CRACDL: variants seen among roughly 807,000 people sequenced by gnomAD.
CRACDL encodes the protein CRACD like.
In CRACDL, 26 loss-of-function variants were observed where a neutral mutation model predicts 70.6. That is an observed-to-expected ratio of 0.37 (90% CI 0.27 to 0.51). CRACDL has a LOEUF of 0.51. CRACDL is among the 20% of genes least tolerant of loss of function. The pLI, the probability that CRACDL is intolerant of heterozygous loss-of-function variation, is 0.94. For synonymous variants in CRACDL, 618 were observed against 615.2 expected, an observed-to-expected ratio of 1.00 and a Z score of -0.07; for missense variants, 1,283 against 1,376.9, an observed-to-expected ratio of 0.93 and a Z score of 1.08.
intron 1 of CRACDL, among the ~76,000 whole-genome samples, chr2:98,908,960 C>T (rs942435232): frequency 2.2e-4 from 33 of 152,220 alleles, no homozygotes; most frequent in African/African-American, 7.5e-4. Flanking sequence ...CAGAGGTCTA[C>T]ACACGGAAAA....
intron 1 of CRACDL, among the ~76,000 whole-genome samples, chr2:98,887,042 T>C (rs1425545780): frequency 6.6e-6 from 1 of 152,038 alleles, no homozygotes; most frequent in African/African-American, 2.4e-5. Context: ...AGAGAACCAA[T>C]AGAAGGTCTG....
chr2:98,919,506 T>G (rs1300200980), intron 1 of CRACDL, among the ~76,000 whole-genome samples: 1 of 152,238 alleles, frequency 6.6e-6, no homozygotes, highest in African/African-American at 2.4e-5. Context: ...TGTAGAAAGA[T>G]GTTTTTCATC....
chr2:98,827,512 A>G (rs1438562399), intron 5 of CRACDL, among the ~76,000 whole-genome samples: 3 of 152,148 alleles, frequency 2.0e-5, no homozygotes, highest in East Asian at 1.9e-4. Flanking sequence ...GGCTGGTCTT[A>G]AACTCCTGAC....
chr2:98,877,686 T>C (rs1252594273), intron 1 of CRACDL, among the ~76,000 whole-genome samples: 2 of 151,028 alleles, frequency 1.3e-5, no homozygotes, highest in Non-Finnish European at 3.0e-5. Flanking sequence ...GAGGAGGAGG[T>C]TGCAGTGAGC....
intron 7 of CRACDL, among the ~76,000 whole-genome samples, chr2:98,805,556 C>T (rs146105019): frequency 4.9e-4 from 75 of 152,288 alleles, no homozygotes; most frequent in African/African-American, 1.7e-3. Flanking sequence ...ACACAATCTC[C>T]CTCCTCCTCC....
At chr2:98,919,823 G>A (rs895798957) in intron 1 of CRACDL, among the ~76,000 whole-genome samples, 2 of 152,190 alleles carry the variant, frequency 1.3e-5, no homozygotes, top group Admixed American at 6.5e-5. Context: ...TGTGATCACA[G>A]CTCACTGCAG....
chr2:98,840,184 T>C (rs1320549128), intron 2 of CRACDL, among the ~76,000 whole-genome samples: 1 of 152,228 alleles, frequency 6.6e-6, no homozygotes, highest in Non-Finnish European at 1.5e-5. Context: ...TGCATCTACG[T>C]GTTTTAAAAT....
intron 9 of CRACDL, among the ~76,000 whole-genome samples, chr2:98,795,787 TA>T (rs1423108770): frequency 6.6e-6 from 1 of 152,098 alleles, no homozygotes. Flanking sequence ...AACCCGCACA[TA>T]AAAAAAGACG....
At chr2:98,900,290 G>T (rs1020373316) in intron 1 of CRACDL, among the ~76,000 whole-genome samples, 1 of 115,002 alleles carries the variant, frequency 8.7e-6, no homozygotes, top group African/African-American at 3.4e-5. Flanking sequence ...AGGGGAGGTA[G>T]GGGACAGAGG....
intron 1 of CRACDL, among the ~76,000 whole-genome samples, chr2:98,922,891 A>G (rs1708837577): frequency 6.6e-6 from 1 of 152,244 alleles, no homozygotes; most frequent in Non-Finnish European, 1.5e-5. Context: ...AATGCCTGGA[A>G]GCTAAAAAGA....
At chr2:98,921,416 G>C (rs1708799811) in intron 1 of CRACDL, among the ~76,000 whole-genome samples, 1 of 152,274 alleles carries the variant, frequency 6.6e-6, no homozygotes, top group Non-Finnish European at 1.5e-5. Context: ...ACACTGGGCA[G>C]TGCCCAGAGG....
At chr2:98,859,284 A>C (rs1706840705) in intron 1 of CRACDL, among the ~76,000 whole-genome samples, 1 of 152,246 alleles carries the variant, frequency 6.6e-6, no homozygotes, top group South Asian at 2.1e-4. Context: ...GTTTTACCTC[A>C]GGAATACAGG....
intron 6 of CRACDL, among the ~76,000 whole-genome samples, chr2:98,826,529 A>G (rs1705309513): frequency 1.3e-5 from 2 of 152,170 alleles, no homozygotes; most frequent in South Asian, 2.1e-4. Flanking sequence ...GGGGACTCTC[A>G]GGCCCCAAGG....
intron 7 of CRACDL, among the ~76,000 whole-genome samples, chr2:98,819,815 C>CTTTTTTT (rs34640405): frequency 1.7e-4 from 17 of 99,030 alleles, no homozygotes; most frequent in Non-Finnish European, 2.1e-4. Context: ...CTGAAACATT[C>CTTTTTTT]TTTTTTTTTT....
Position 98,827,096 on chromosome 2 carries a change from G to T in CRACDL, c.614C>A (p.Pro205Gln), listed in dbSNP as rs751636408. The T allele has an allele frequency of 6.2e-7, 1 of 1,614,144 alleles. No homozygotes were observed. Among genetic ancestry groups the T allele is most frequent in the Non-Finnish European group, 8.5e-7 (1 of 1,180,000 alleles). Residue 205 changes from proline to glutamine, a missense_variant, in exon 6 of 10, where the codon CCA becomes CAA. This residue lies in a region of CRACDL where 362 missense variants were observed against 495.0 expected (regional missense o/e 0.73). Transcript: ENST00000397899. ...TGCAGGATAACTGAAGTCAGCCACT[G>T]GTGCCAGGCTGTTGTCTGAGATCCG... ...SARISDNSLAPVADFSYPAES... is the reference protein window; with the variant it reads ...SARISDNSLAQVADFSYPAES...
At chr2:98,872,283 T>C (rs1374053096) in intron 1 of CRACDL, among the ~76,000 whole-genome samples, 1 of 152,182 alleles carries the variant, frequency 6.6e-6, no homozygotes, top group Non-Finnish European at 1.5e-5. Context: ...GCTTGAACCC[T>C]GGAGGAGGAG....
At chr2:98,806,899 A>G (rs1704325318) in intron 7 of CRACDL, among the ~76,000 whole-genome samples, 1 of 152,170 alleles carries the variant, frequency 6.6e-6, no homozygotes, top group South Asian at 2.1e-4. Flanking sequence ...TAAGTAATCC[A>G]TTCCAGGGGC....
intron 7 of CRACDL, among the ~76,000 whole-genome samples, chr2:98,817,336 G>A (rs1449522787): frequency 6.6e-6 from 1 of 152,132 alleles, no homozygotes; most frequent in Non-Finnish European, 1.5e-5. Flanking sequence ...TAAAATTTAA[G>A]AGGGTCAATC....
intron 7 of CRACDL, among the ~76,000 whole-genome samples, chr2:98,810,744 G>T (rs944642089): frequency 6.6e-6 from 1 of 152,164 alleles, no homozygotes; most frequent in Non-Finnish European, 1.5e-5. Context: ...AAGTGCACAT[G>T]ATCTGAGAAC....
Sources: gnomAD v4.1 joint callset for allele counts (sites outside exome capture counted in the v4.1 genomes callset) on GRCh38, gnomAD v4.1.1 for gene constraint, gnomAD v4.1.1 regional missense constraint, MANE v1.5 for transcripts, NCBI Gene and HGNC (gene_info 2026-07-23, HGNC 2026-07-21) for gene names.